The following HPSE2 variants were observed in gnomAD, a reference collection of about 807,000 sequenced individuals.
HPSE2 encodes heparanase 2 (inactive), also known as inactive heparanase-2.
HPSE2 carries 38 observed loss-of-function variants against 60.5 expected under a neutral mutation model. The ratio of observed to expected loss-of-function variants is 0.63; its 90% CI spans 0.48 to 0.82. The LOEUF is 0.82. HPSE2 is among the 40% of genes least tolerant of loss of function. HPSE2 has a pLI of 0.00. For missense variants in HPSE2, 713 were observed against 740.4 expected (o/e 0.96, Z 0.43); for synonymous variants, 295 against 293.2 (o/e 1.01, Z -0.06).
chr10:98,535,712 C>A (rs936667991), intron 9 of HPSE2, among the ~76,000 whole-genome samples: 1 of 152,148 alleles, frequency 6.6e-6, no homozygotes, highest in African/African-American at 2.4e-5. Flanking sequence ...CATCTTTGTT[C>A]TGCCCTTAGT....
At chr10:98,650,052 C>T (rs1946876303) in intron 6 of HPSE2, among the ~76,000 whole-genome samples, 1 of 152,196 alleles carries the variant, frequency 6.6e-6, no homozygotes, top group African/African-American at 2.4e-5. Context: ...TTTCTTTGCC[C>T]CTCTTACATG....
intron 9 of HPSE2, among the ~76,000 whole-genome samples, chr10:98,610,580 C>T (rs1945726490): frequency 6.6e-6 from 1 of 152,176 alleles, no homozygotes; most frequent in Non-Finnish European, 1.5e-5. Context: ...GTATATGATT[C>T]ATCAGGGAAA....
chr10:98,621,647 G>A (rs1282841839), intron 7 of HPSE2, among the ~76,000 whole-genome samples: 1 of 152,210 alleles, frequency 6.6e-6, no homozygotes, highest in African/African-American at 2.4e-5. Flanking sequence ...AGGGATCTTG[G>A]TAAGAGCCTT....
chr10:99,081,623 G>GATGAT (rs1564791641), intron 3 of HPSE2, among the ~76,000 whole-genome samples: 4 of 112,214 alleles, frequency 3.6e-5, no homozygotes, highest in South Asian at 3.2e-4. Flanking sequence ...ATGATGATGA[G>GATGAT]ATAATATAAT....
At chr10:99,260,844 T>C in the HPSE2 span, among the ~76,000 whole-genome samples, 1 of 152,134 alleles carries the variant, frequency 6.6e-6, no homozygotes, top group East Asian at 1.9e-4. Flanking sequence ...TGGGCAACCT[T>C]GCGACCTCCA....
At chr10:99,214,277 C>T (rs977448238) in intron 2 of HPSE2, among the ~76,000 whole-genome samples, 4 of 152,144 alleles carry the variant, frequency 2.6e-5, no homozygotes, top group Admixed American at 6.5e-5. Context: ...ATGGTATAGC[C>T]ATTGGGGAAA....
At chr10:98,748,811 G>GA (rs1352686825) in intron 3 of HPSE2, among the ~76,000 whole-genome samples, 1 of 152,038 alleles carries the variant, frequency 6.6e-6, no homozygotes, top group African/African-American at 2.4e-5. Context: ...CCCAAAATAA[G>GA]AGAGTTGCAA....
chr10:98,842,033 C>G (rs554385838), intron 3 of HPSE2, among the ~76,000 whole-genome samples: 1 of 152,276 alleles, frequency 6.6e-6, no homozygotes, highest in East Asian at 1.9e-4. Flanking sequence ...GTCTCGATCT[C>G]CTGACCTCGT....
intron 7 of HPSE2, among the ~76,000 whole-genome samples, chr10:98,624,262 A>G (rs654987): frequency 0.31 from 46,929 of 152,026 alleles, 7,907 homozygotes; most frequent in African/African-American, 0.44. Context: ...CAATTTGACA[A>G]GAGGGTAAGG....
chr10:98,804,353 A>G (rs1950991230), intron 3 of HPSE2, among the ~76,000 whole-genome samples: 1 of 152,138 alleles, frequency 6.6e-6, no homozygotes, highest in South Asian at 2.1e-4. Flanking sequence ...AACCCACAGA[A>G]TAAGAGAAAA....
intron 7 of HPSE2, among the ~76,000 whole-genome samples, chr10:98,630,259 G>T (rs997706204): frequency 6.7e-6 from 1 of 149,050 alleles, no homozygotes; most frequent in Non-Finnish European, 1.5e-5. Flanking sequence ...GTGCAGTGGC[G>T]CCATCTTGGC....
At chr10:98,565,109 T>C (rs900584832) in intron 9 of HPSE2, among the ~76,000 whole-genome samples, 2 of 151,102 alleles carry the variant, frequency 1.3e-5, no homozygotes, top group Non-Finnish European at 2.9e-5. Context: ...GTTTGTGGAA[T>C]GAGGGAAAAA....
At chr10:98,632,071 T>C (rs536282077) in intron 7 of HPSE2, among the ~76,000 whole-genome samples, 1 of 152,242 alleles carries the variant, frequency 6.6e-6, no homozygotes, top group East Asian at 1.9e-4. Flanking sequence ...AAATAGTTGA[T>C]AAGTGTGGGC....
At chr10:99,049,097 AG>A (rs1330381121) in intron 3 of HPSE2, among the ~76,000 whole-genome samples, 1 of 152,196 alleles carries the variant, frequency 6.6e-6, no homozygotes, top group Non-Finnish European at 1.5e-5. Context: ...AGAACGGAGA[AG>A]GGCTTGGCTT....
chr10:98,825,472 C>T (rs1446371148), intron 3 of HPSE2, among the ~76,000 whole-genome samples: 2 of 152,154 alleles, frequency 1.3e-5, no homozygotes, highest in Non-Finnish European at 2.9e-5. Context: ...AACAACTATT[C>T]AAGGGAGGCC....
At chr10:98,789,288 G>C (rs527514851) in intron 3 of HPSE2, among the ~76,000 whole-genome samples, 12 of 152,340 alleles carry the variant, frequency 7.9e-5, no homozygotes, top group African/African-American at 2.9e-4. Context: ...GAGATCCAGA[G>C]ACACATGCTT....
intron 5 of HPSE2, among the ~76,000 whole-genome samples, chr10:98,700,475 C>A (rs1351354762): frequency 6.9e-6 from 1 of 145,474 alleles, no homozygotes; most frequent in Non-Finnish European, 1.5e-5. Flanking sequence ...CTTCCTTACA[C>A]CTTATACAAA....
At chr10:99,017,804 T>C (rs575997988) in intron 3 of HPSE2, among the ~76,000 whole-genome samples, 1 of 152,306 alleles carries the variant, frequency 6.6e-6, no homozygotes, top group South Asian at 2.1e-4. Context: ...TGTTGACATT[T>C]TTAAAGTGAC....
chr10:98,695,945 A>T (rs994007706), intron 5 of HPSE2, among the ~76,000 whole-genome samples: 1 of 152,180 alleles, frequency 6.6e-6, no homozygotes, highest in African/African-American at 2.4e-5. Context: ...TAGAAGGAAA[A>T]TTGAAAAATA....
Sources: allele counts gnomAD v4.1 joint callset (sites outside exome capture counted in the v4.1 genomes callset), GRCh38; gene constraint gnomAD v4.1.1; transcripts MANE v1.5; gene names NCBI Gene and HGNC (gene_info 2026-07-23, HGNC 2026-07-21).